UCHL1: variants seen among roughly 807,000 people sequenced by gnomAD.
The protein encoded by UCHL1 is ubiquitin carboxyl-terminal hydrolase isozyme L1.
UCHL1 carries 5 observed loss-of-function variants against 33.3 expected under a neutral mutation model. That is an observed-to-expected ratio of 0.15 (90% CI 0.08 to 0.32). The LOEUF is 0.32. Among genes scored for constraint, UCHL1 ranks in the 10% least tolerant of loss-of-function variants. The pLI is 1.00. For missense variants in UCHL1, 236 were observed against 280.0 expected, an observed-to-expected ratio of 0.84 and a Z score of 1.12; for synonymous variants, 132 against 108.8, an observed-to-expected ratio of 1.21 and a Z score of -1.33.
At chr4:41,267,727 T>G (rs1781176761) in intron 8 of UCHL1, among the ~76,000 whole-genome samples, 1 of 152,226 alleles carries the variant, frequency 6.6e-6, no homozygotes, top group South Asian at 2.1e-4. Context: ...TGTTTTTGTT[T>G]TTTTTAACTT....
intron 4 of UCHL1, among the ~76,000 whole-genome samples, chr4:41,261,457 GT>G (rs1332893516): frequency 6.6e-6 from 1 of 152,140 alleles, no homozygotes; most frequent in Non-Finnish European, 1.5e-5. Context: ...GGAAAAAGGG[GT>G]CCAGGGTAGA....
Position 41,257,745 on chromosome 4 carries a change from G to C in UCHL1, c.174+8G>C. On this transcript the variant is annotated splice_region_variant and intron_variant, in intron 3 of 8. Transcript: ENST00000284440. The stretch of plus-strand genomic sequence containing the variant: ...TTTCCCCTCACGGCCCAGGTAGGGC[G>C]TGGGGCCCAGGATGCGCCGGCCGCC... 1 of 1,570,528 alleles carries C rather than the reference G, an allele frequency of 6.4e-7. No individual in the cohort carries two copies. Among genetic ancestry groups the C allele is most frequent in the Non-Finnish European group, 8.6e-7 (1 of 1,163,348 alleles).
chr4:41,265,737 G>C (rs936624014), intron 8 of UCHL1, among the ~76,000 whole-genome samples: 6 of 152,172 alleles, frequency 3.9e-5, no homozygotes, highest in Non-Finnish European at 8.8e-5. Context: ...ACTCTTAATA[G>C]GGAAGGTTGA....
intron 3 of UCHL1, 71 bp from the exon 4 acceptor site, chr4:41,260,576 A>G (rs1018711394): frequency 1.3e-6 from 2 of 1,566,650 alleles, no homozygotes; most frequent in African/African-American, 1.4e-5. Flanking sequence ...TTTAGTTGGT[A>G]GAACTCATGT....
At position 41,261,913 on chromosome 4, in the gene UCHL1, G is replaced by A; in HGVS notation, c.449G>A (p.Gly150Asp). Residue 150 changes from glycine (G) to aspartate (D), a missense_variant, in exon 6 of 9, where the codon GGC becomes GAC. Physicochemically the swap from Gly to Asp is moderately conservative, Grantham distance 94. Transcript: ENST00000284440. ...QAAHDAVAQE[G>D]QCRVDDKVNF... is the part of the protein sequence containing the mutation. The stretch of plus-strand genomic sequence containing the variant: ...GCCCATGATGCCGTGGCACAGGAAG[G>A]CCAATGTCGGGTAAATGCAAATACA... 6.2e-7 allele frequency: 1 copy of A among 1,614,130 alleles called. No homozygotes were observed. The highest frequency in any genetic ancestry group is 8.5e-7 in the Non-Finnish European group (1 of 1,180,030).
chr4:41,261,614 T>C, intron 4 of UCHL1, 101 bp from the exon 5 acceptor site: 1 of 1,279,048 alleles, frequency 7.8e-7, no homozygotes, highest in Non-Finnish European at 1.1e-6. Context: ...GTATTAAAGA[T>C]TCAGGTTGCT....
chr4:41,263,163 T>G, intron 6 of UCHL1, 62 bp from the exon 7 acceptor site: 1 of 1,306,828 alleles, frequency 7.7e-7, no homozygotes, highest in Non-Finnish European at 1.1e-6. Context: ...TCACTTGAAT[T>G]GCAAGATAAT....
rs1200219528 is a variant in UCHL1 at position 41,257,768 on chromosome 4, G to T, written c.174+31G>T. 5 of 1,547,638 alleles carry T rather than the reference G, an allele frequency of 3.2e-6. No individual in the cohort carries two copies. In the South Asian group the frequency reaches 3.6e-5, roughly 11 times the overall value. On this transcript the variant is annotated intron_variant, in intron 3 of 8. Coordinates refer to ENST00000284440, the MANE Select transcript of UCHL1 (RefSeq NM_004181.5). ...GCGTGGGGCCCAGGATGCGCCGGCC[G>T]CCGGCAGTGCACGCCGCTCCCCAGC... is the stretch of plus-strand genomic sequence containing the variant.
chr4:41,268,140 T>A lies in UCHL1; in HGVS notation c.*67T>A, dbSNP rs758867690. On this transcript the variant is annotated 3_prime_UTR_variant, in exon 9 of 9. Coordinates refer to ENST00000284440, the MANE Select transcript of UCHL1 (RefSeq NM_004181.5). The stretch of plus-strand genomic sequence containing the variant: ...CAACATGAAAATATATACCCCCCCA[T>A]GCAGTCTAAAATGCTTCAGTACTTG... 1 of 1,443,750 alleles carries A rather than the reference T, an allele frequency of 6.9e-7. No individual in the cohort carries two copies. The highest frequency in any genetic ancestry group is 1.9e-4 in the Middle Eastern group (1 of 5,204). The allele number at this position is 1,443,750 out of a possible 1,614,324, so 89.4% of individuals were successfully genotyped here.
chr4:41,258,638 A>T (rs1185938530), intron 3 of UCHL1, among the ~76,000 whole-genome samples: 1 of 152,252 alleles, frequency 6.6e-6, no homozygotes, highest in Non-Finnish European at 1.5e-5. Flanking sequence ...AATTAGCTTT[A>T]GCAAAACTTG....
rs116457265 is a variant in UCHL1 at position 41,261,510 on chromosome 4, G to A, written c.326-205G>A. On this transcript the variant is annotated intron_variant, in intron 4 of 8. Coordinates refer to ENST00000284440, the MANE Select transcript of UCHL1 (RefSeq NM_004181.5). Reference sequence around the variant, plus strand: ...AAAGAGCTTGGCATATTGGGAGAGCGGAGAGACCTCTCTGGCCTGAAAGCA... The same window carrying A: ...AAAGAGCTTGGCATATTGGGAGAGCAGAGAGACCTCTCTGGCCTGAAAGCA... Among the ~76,000 whole-genome samples, 622 of 152,246 alleles carry A rather than the reference G, an allele frequency of 4.1e-3. 5 individuals carry two copies. Among genetic ancestry groups the A allele is most frequent in the African/African-American group, 0.014 (602 of 41,542 alleles).
At chr4:41,260,908 T>G in intron 4 of UCHL1, 111 bp downstream of exon 4, 1 of 1,464,080 alleles carries the variant, frequency 6.8e-7, no homozygotes. Context: ...AACCATTTTG[T>G]AATGATGGTG....
At chr4:41,260,847 G>T (rs1781058624) in intron 4 of UCHL1, 50 bp downstream of exon 4, 1 of 1,613,060 alleles carries the variant, frequency 6.2e-7, no homozygotes, top group African/African-American at 1.3e-5. Flanking sequence ...CTTGAAACAT[G>T]GAGTTCAGAA....
chr4:41,265,356 T>C (rs1261270998), intron 8 of UCHL1, among the ~76,000 whole-genome samples: 2 of 152,176 alleles, frequency 1.3e-5, no homozygotes, highest in Non-Finnish European at 2.9e-5. Flanking sequence ...CGCGGGAGGA[T>C]TGCTTGAGCT....
At chr4:41,257,452 T>C in intron 2 of UCHL1, 157 bp from the exon 3 acceptor site, 1 of 1,094,032 alleles carries the variant, frequency 9.1e-7, no homozygotes, top group African/African-American at 1.7e-5. Flanking sequence ...TGCTGTGTCA[T>C]TGCGCCGGCC....
intron 8 of UCHL1, among the ~76,000 whole-genome samples, chr4:41,265,414 C>T (rs1363530246): frequency 6.6e-6 from 1 of 152,100 alleles, no homozygotes; most frequent in Non-Finnish European, 1.5e-5. Flanking sequence ...CCCATCTCTA[C>T]TAAAAATATA....
At chr4:41,262,050 G>T in intron 6 of UCHL1, 127 bp downstream of exon 6, 1 of 1,333,570 alleles carries the variant, frequency 7.5e-7, no homozygotes, top group Non-Finnish European at 1.0e-6. Context: ...ACACCAGAAA[G>T]TTCTACCCAA....
intron 8 of UCHL1, 128 bp downstream of exon 8, chr4:41,264,289 G>T: frequency 4.2e-6 from 5 of 1,187,728 alleles, no homozygotes; most frequent in Non-Finnish European, 5.0e-6. Flanking sequence ...AGTCTTTAGG[G>T]CTGCAAGATC....
intron 6 of UCHL1, among the ~76,000 whole-genome samples, chr4:41,262,505 C>T (rs71608067): frequency 0.1 from 15,291 of 152,122 alleles, 868 homozygotes; most frequent in East Asian, 0.16. Context: ...AAATAATCTT[C>T]ACAGGCTGTT....
Sources: gnomAD v4.1 joint callset for allele counts (sites outside exome capture counted in the v4.1 genomes callset) on GRCh38, gnomAD v4.1.1 for gene constraint, MANE v1.5 for transcripts, NCBI Gene and HGNC (gene_info 2026-07-23, HGNC 2026-07-21) for gene names.